Variants in PLA2G4A observed in about 807,000 individuals in gnomAD.
PLA2G4A encodes the protein cytosolic phospholipase A2.
PLA2G4A carries 40 observed loss-of-function variants against 81.9 expected under a neutral mutation model. The observed-to-expected ratio is 0.49, with a 90% CI of 0.38 to 0.64. The LOEUF (loss-of-function observed/expected upper bound fraction) is 0.64. PLA2G4A is among the 30% of genes least tolerant of loss of function. The probability of loss-of-function intolerance (pLI) is 0.00; values close to 1 mark genes in which losing one functional copy is unlikely to be tolerated. For synonymous variants in PLA2G4A, 302 were observed against 296.9 expected (o/e 1.02, Z -0.18); for missense variants, 715 against 905.1 (o/e 0.79, Z 2.69).
At chr1:186,885,200 T>C (rs939582132) in intron 3 of PLA2G4A, among the ~76,000 whole-genome samples, 1 of 152,144 alleles carries the variant, frequency 6.6e-6, no homozygotes, top group East Asian at 1.9e-4. Context: ...TCTTGATTCA[T>C]GCAGGGCAAC....
At chr1:186,866,899 C>A (rs538687932) in intron 2 of PLA2G4A, among the ~76,000 whole-genome samples, 1 of 150,326 alleles carries the variant, frequency 6.7e-6, no homozygotes, top group South Asian at 2.1e-4. Flanking sequence ...TGTGTAGATT[C>A]ATTTTCTGCA....
intron 2 of PLA2G4A, among the ~76,000 whole-genome samples, chr1:186,865,285 A>G (rs1337867125): frequency 1.3e-5 from 2 of 151,940 alleles, no homozygotes; most frequent in Non-Finnish European, 2.9e-5. Flanking sequence ...ATTTCTGCAC[A>G]TGGCCAACCC....
intron 3 of PLA2G4A, among the ~76,000 whole-genome samples, chr1:186,876,539 A>T (rs1175274698): frequency 6.6e-6 from 1 of 152,108 alleles, no homozygotes; most frequent in East Asian, 1.9e-4. Flanking sequence ...ATTGCCTATA[A>T]ATTAGGAGTA....
intron 7 of PLA2G4A, among the ~76,000 whole-genome samples, chr1:186,928,555 G>T (rs984128395): frequency 1.3e-5 from 2 of 152,132 alleles, no homozygotes; most frequent in Admixed American, 1.3e-4. Context: ...TTTGGACTTG[G>T]CTGGTCTCCA....
chr1:186,954,573 T>C (rs1267751445), intron 13 of PLA2G4A, among the ~76,000 whole-genome samples: 1 of 152,106 alleles, frequency 6.6e-6, no homozygotes, highest in Non-Finnish European at 1.5e-5. Context: ...ATGTACCCTA[T>C]AATTTTAAGT....
intron 1 of PLA2G4A, among the ~76,000 whole-genome samples, chr1:186,852,729 C>T (rs1048415131): frequency 2.6e-5 from 4 of 152,000 alleles, no homozygotes; most frequent in Non-Finnish European, 5.9e-5. Flanking sequence ...GGCCCCACCT[C>T]CCAATACCAT....
intron 7 of PLA2G4A, among the ~76,000 whole-genome samples, chr1:186,922,353 G>A (rs1241991700): frequency 6.6e-6 from 1 of 152,232 alleles, no homozygotes; most frequent in Admixed American, 6.5e-5. Context: ...TGCCGTGGGT[G>A]ATCAGGCCAT....
intron 2 of PLA2G4A, among the ~76,000 whole-genome samples, chr1:186,866,784 T>C (rs1032813766): frequency 7.9e-5 from 12 of 152,144 alleles, no homozygotes; most frequent in Non-Finnish European, 1.3e-4. Context: ...AGCATCATTA[T>C]GTATAATAAT....
chr1:186,856,791 A>G (rs1422699381), intron 2 of PLA2G4A, among the ~76,000 whole-genome samples: 2 of 151,814 alleles, frequency 1.3e-5, no homozygotes, highest in Non-Finnish European at 2.9e-5. Context: ...AGGGGAAGTA[A>G]GATGTCAGCA....
intron 1 of PLA2G4A, among the ~76,000 whole-genome samples, chr1:186,842,896 T>A (rs1652040031): frequency 6.6e-6 from 1 of 152,232 alleles, no homozygotes; most frequent in Non-Finnish European, 1.5e-5. Flanking sequence ...ACCTCCCTGC[T>A]AAGACTCGAA....
intron 7 of PLA2G4A, among the ~76,000 whole-genome samples, chr1:186,915,684 G>A (rs1251909047): frequency 6.6e-6 from 1 of 152,030 alleles, no homozygotes; most frequent in African/African-American, 2.4e-5. Flanking sequence ...ATGCCGTGGG[G>A]GCTGTCCAGT....
intron 7 of PLA2G4A, among the ~76,000 whole-genome samples, chr1:186,912,732 A>ATATATATACATATATATGTATATC (rs547462117): frequency 6.9e-6 from 1 of 144,414 alleles, no homozygotes; most frequent in African/African-American, 2.6e-5. Context: ...TTATATATAC[A>ATATATATACATATATATGTATATC]TATATATACA....
intron 1 of PLA2G4A, among the ~76,000 whole-genome samples, chr1:186,830,608 CAAAAAAAAAA>C (rs55745208): frequency 0.06 from 4,402 of 72,810 alleles, 338 homozygotes; most frequent in African/African-American, 0.22. Context: ...AGCTCTGTCT[CAAAAAAAAAA>C]AAAAAAAAAA....
intron 7 of PLA2G4A, among the ~76,000 whole-genome samples, chr1:186,914,316 G>T (rs1655066705): frequency 6.6e-6 from 1 of 151,850 alleles, no homozygotes; most frequent in Non-Finnish European, 1.5e-5. Flanking sequence ...TGCCCAGGTT[G>T]GTCTCAAACT....
chr1:186,951,562 C>T (rs941654587), intron 13 of PLA2G4A, among the ~76,000 whole-genome samples: 1 of 152,004 alleles, frequency 6.6e-6, no homozygotes, highest in African/African-American at 2.4e-5. Context: ...TGAATATGAT[C>T]ATCTAGATTT....
chr1:186,965,426 C>T lies in PLA2G4A; in HGVS notation c.1597C>T (p.Arg533Ter), dbSNP rs765790419. ...TTTTTAAGATCCTGATGAATTTGAG[C>T]GAATATATGAGCCTCTGGATGTCAA... is the stretch of plus-strand genomic sequence containing the variant. ...AAVADPDEFE[R>*]IYEPLDVKSK... is the part of the protein sequence containing the mutation. The change falls in exon 15 of 18, where the codon CGA (arginine) becomes TGA (stop). Residue 533 changes from arginine to a stop codon, truncating the protein, a stop_gained. Coordinates refer to ENST00000367466, the MANE Select transcript of PLA2G4A (RefSeq NM_024420.3). LOFTEE classifies it high-confidence loss of function. 5.6e-6 allele frequency: 9 copies of T among 1,605,028 alleles called. No individual in the cohort carries two copies. The highest frequency in any genetic ancestry group is 2.2e-5 in the East Asian group (1 of 44,822).
At chr1:186,958,507 T>C (rs963374889) in intron 14 of PLA2G4A, among the ~76,000 whole-genome samples, 3 of 152,204 alleles carry the variant, frequency 2.0e-5, no homozygotes, top group African/African-American at 7.2e-5. Context: ...TAGAGAATCT[T>C]CAGTTATTTT....
chr1:186,853,546 A>G lies in PLA2G4A; in HGVS notation c.-69-740A>G, dbSNP rs546808066. On this transcript the variant is annotated intron_variant, in intron 1 of 17. Transcript: ENST00000367466. ...TAAAGATAGATAATAAAGATATTTG[A>G]AAAGGTATTCCAAATTAGATGTAAC... is the stretch of plus-strand genomic sequence containing the variant. Among the ~76,000 whole-genome samples, 10 of 152,066 alleles carry G rather than the reference A, an allele frequency of 6.6e-5. No homozygotes were observed. The East Asian group carries it at 1.9e-3, about 29-fold the overall frequency.
intron 15 of PLA2G4A, among the ~76,000 whole-genome samples, chr1:186,970,374 AT>A (rs1212754905): frequency 6.6e-6 from 1 of 151,506 alleles, no homozygotes; most frequent in African/African-American, 2.4e-5. Context: ...TTCTTTGTTG[AT>A]TATTTCTTTT....
Sources: gnomAD v4.1 joint callset for allele counts (sites outside exome capture counted in the v4.1 genomes callset) on GRCh38, gnomAD v4.1.1 for gene constraint, MANE v1.5 for transcripts, NCBI Gene and HGNC (gene_info 2026-07-23, HGNC 2026-07-21) for gene names.